GPATCH1: variants seen among roughly 807,000 people sequenced by gnomAD.
The protein encoded by GPATCH1 is G patch domain-containing protein 1.
In GPATCH1, 73 loss-of-function variants were observed where a neutral mutation model predicts 114.9. The observed-to-expected ratio is 0.64, with a 90% CI of 0.53 to 0.77. The LOEUF is 0.77. Ranked by LOEUF, GPATCH1 falls within the 30% of genes least tolerant of loss-of-function variation. The pLI is 0.00. For synonymous variants in GPATCH1, 391 were observed against 428.4 expected (o/e 0.91, Z 1.08); for missense variants, 1,058 against 1,144.3 (o/e 0.92, Z 1.09).
intron 5 of GPATCH1, among the ~76,000 whole-genome samples, chr19:33,095,087 A>C (rs1403727032): frequency 1.1e-4 from 17 of 152,038 alleles, no homozygotes. Context: ...GGATGGCTTT[A>C]GTCCAGAAGG....
Position 33,090,850 on chromosome 19 carries a change from T to G in GPATCH1, c.279T>G (p.Asp93Glu). The change falls in exon 3 of 20, where the codon GAT becomes GAG. Residue 93 changes from aspartate to glutamate, a missense_variant. Physicochemically the swap from Asp to Glu is conservative, Grantham distance 45. Transcript: ENST00000170564. ...RADKSVLGPE[D>E]FMDEEDLSEF... ...ACAAATCTGTTCTTGGTCCTGAAGATTTTATGGATGAAGAGGTGCGTGTGC... is the reference window on the plus strand; with the variant it reads ...ACAAATCTGTTCTTGGTCCTGAAGAGTTTATGGATGAAGAGGTGCGTGTGC... The G allele has an allele frequency of 1.9e-6, 3 of 1,611,394 alleles. No homozygotes were observed. The highest frequency in any genetic ancestry group is 1.1e-5 in the South Asian group (1 of 91,008).
chr19:33,120,042 AT>A (rs1231516683), intron 17 of GPATCH1, among the ~76,000 whole-genome samples: 1 of 137,384 alleles, frequency 7.3e-6, no homozygotes, highest in Non-Finnish European at 1.5e-5. Context: ...ATATATTTAT[AT>A]TTTATATATT....
intron 15 of GPATCH1, among the ~76,000 whole-genome samples, chr19:33,115,689 T>G (rs962242281): frequency 6.6e-6 from 1 of 151,866 alleles, no homozygotes; most frequent in African/African-American, 2.4e-5. Flanking sequence ...AGACGGGGTT[T>G]CTCCATGTTG....
chr19:33,096,817 C>T (rs535380850), intron 7 of GPATCH1, among the ~76,000 whole-genome samples: 13 of 151,992 alleles, frequency 8.6e-5, no homozygotes, highest in Middle Eastern at 3.4e-3. Context: ...TTAGTAGAGA[C>T]GGGGTTTCAC....
In GPATCH1 at chr19:33,088,197, A is replaced by G; in HGVS notation, c.137A>G (p.Tyr46Cys). 4 of 1,603,338 alleles carry G rather than the reference A, an allele frequency of 2.5e-6. No homozygotes were observed. The highest frequency in any genetic ancestry group is 3.4e-6 in the Non-Finnish European group (4 of 1,171,952). ...DQTVRDEKGR[Y>C]KRFHGAFSGG... is the part of the protein sequence containing the mutation. Reference sequence around the variant, plus strand: ...ACTGTCAGAGATGAAAAAGGAAGGTATAAACGATTCCACGGGGCCTTTAGT... The same window carrying G: ...ACTGTCAGAGATGAAAAAGGAAGGTGTAAACGATTCCACGGGGCCTTTAGT... The change falls in exon 2 of 20, where the codon TAT becomes TGT. Residue 46 changes from tyrosine to cysteine, a missense_variant. Tyr to Cys is a radical substitution (Grantham distance 194). Around this residue, in one of 3 missense-constraint regions of GPATCH1, gnomAD observed 131 missense variants for 107.2 expected, o/e 1.22. Transcript: ENST00000170564.
Position 33,113,761 on chromosome 19 carries a change from TCCCA to T in GPATCH1, c.1893-5_1893-2del. On this transcript the variant is annotated splice_acceptor_variant and splice_polypyrimidine_tract_variant and intron_variant, in intron 13 of 19. Transcript: ENST00000170564. LOFTEE classifies it high-confidence loss of function. ...TTACTAAAATGATTCTTTTTTCAAT[TCCCA>T]GTTCAACTTTAGTTGGCTTACCAAG... 6.2e-7 allele frequency: 1 copy of T among 1,612,388 alleles called. No individual in the cohort carries two copies. Among genetic ancestry groups the T allele is most frequent in the South Asian group, 1.1e-5 (1 of 90,884 alleles).
chr19:33,114,365 C>T lies in GPATCH1; in HGVS notation c.2142C>T (p.Ser714=). ...AAGCCGAGCCACCTAAACAACAGTC[C>T]AGCCCCTTAGTAAACAAAGAGGAAG... ...RSKAEPPKQQ[S]SPLVNKEEEH... is the part of the protein sequence containing the mutation. Residue 714 remains serine (S), a synonymous_variant, in exon 15 of 20, where the codon TCC becomes TCT. Transcript: ENST00000170564. The T allele has an allele frequency of 6.2e-7, 1 of 1,611,818 alleles. No homozygotes were observed. Among genetic ancestry groups the T allele is most frequent in the Non-Finnish European group, 8.5e-7 (1 of 1,179,326 alleles).
At position 33,126,683 on chromosome 19, in the gene GPATCH1, C is replaced by T. The variant is rs1479749060; in HGVS notation, c.2715C>T (p.Ser905=). 26 of 1,613,846 alleles carry T rather than the reference C, an allele frequency of 1.6e-5. No homozygotes were observed. Among genetic ancestry groups the T allele is most frequent in the Non-Finnish European group, 2.1e-5 (25 of 1,179,988 alleles). ...SSSESSDSSD[S]QSDEETADVS... ...CCGAGAGTTCCGACAGCAGCGACAGCCAGAGTGACGAGGAAACCGCAGACG... is the reference window on the plus strand; with the variant it reads ...CCGAGAGTTCCGACAGCAGCGACAGTCAGAGTGACGAGGAAACCGCAGACG... The change falls in exon 19 of 20, where the codon AGC becomes AGT. Residue 905 remains serine, a synonymous_variant. Transcript: ENST00000170564.
chr19:33,097,361 G>A (rs1972673455), intron 7 of GPATCH1, among the ~76,000 whole-genome samples: 2 of 152,282 alleles, frequency 1.3e-5, no homozygotes, highest in Admixed American at 6.5e-5. Context: ...GAGTAGCAGC[G>A]GCCCTTAGAC....
rs1324287964 is a variant in GPATCH1 at position 33,100,557 on chromosome 19, T to C, written c.1001-938T>C. Reference sequence around the variant, plus strand: ...GAGCCAAGATTGTGCCACTGTACTCTAGCCTGGTGACAGAGCGAGACTCCA... The same window carrying C: ...GAGCCAAGATTGTGCCACTGTACTCCAGCCTGGTGACAGAGCGAGACTCCA... On this transcript the variant is annotated intron_variant, in intron 8 of 19. Coordinates refer to ENST00000170564, the MANE Select transcript of GPATCH1 (RefSeq NM_018025.3). Among the ~76,000 whole-genome samples, 22 of 133,436 alleles carry C rather than the reference T, an allele frequency of 1.6e-4. No individual in the cohort carries two copies. In the Admixed American group the frequency reaches 2.0e-3, roughly 12 times the overall value. 87.5% of individuals were successfully genotyped at this position (133,436 alleles called of 152,430 possible). A position where few individuals can be genotyped will look rare whatever the true frequency, so the allele number is the denominator to read the frequency against.
chr19:33,088,059 G>A (rs1054084629), intron 1 of GPATCH1, 75 bp from the exon 2 acceptor site: 20 of 790,566 alleles, frequency 2.5e-5, no homozygotes, highest in African/African-American at 7.1e-5. Context: ...TTTAAAAAGT[G>A]ACATTTTCCC....
At chr19:33,118,934 C>T in intron 16 of GPATCH1, 76 bp from the exon 17 acceptor site, 1 of 852,624 alleles carries the variant, frequency 1.2e-6, no homozygotes, top group African/African-American at 1.7e-5. Flanking sequence ...TATCTGGTGG[C>T]AAAAGACATG....
At chr19:33,112,384 T>A (rs1314850800) in intron 12 of GPATCH1, 102 bp from the exon 13 acceptor site, 8 of 1,334,274 alleles carry the variant, frequency 6.0e-6, no homozygotes, top group Non-Finnish European at 8.2e-6. Flanking sequence ...TAGCACAAAC[T>A]TTTTTCACAG....
chr19:33,095,691 C>A, intron 5 of GPATCH1, 71 bp from the exon 6 acceptor site: 1 of 1,030,442 alleles, frequency 9.7e-7, no homozygotes, highest in Non-Finnish European at 1.5e-6. Context: ...TGTGATCCAC[C>A]GCGCCCGGCC....
At chr19:33,127,939 A>C (rs990226283) in intron 19 of GPATCH1, among the ~76,000 whole-genome samples, 10 of 152,016 alleles carry the variant, frequency 6.6e-5, no homozygotes, top group African/African-American at 2.4e-4. Flanking sequence ...GCTGGTCTCA[A>C]ACTCCTGACC....
At chr19:33,113,709 AGGAGGT>A (rs759504262) in intron 13 of GPATCH1, 52 bp from the exon 14 acceptor site, 1 of 1,504,334 alleles carries the variant, frequency 6.6e-7, no homozygotes, top group South Asian at 1.2e-5. Context: ...AAAGCTTTTC[AGGAGGT>A]GGATTTTGTC....
chr19:33,095,526 G>A (rs1161796325), intron 5 of GPATCH1, among the ~76,000 whole-genome samples: 3 of 151,536 alleles, frequency 2.0e-5, no homozygotes, highest in African/African-American at 7.3e-5. Flanking sequence ...GCCTCCCAAA[G>A]TACTGGGATT....
intron 1 of GPATCH1, among the ~76,000 whole-genome samples, chr19:33,087,844 C>T (rs753918562): frequency 3.2e-4 from 48 of 151,722 alleles, no homozygotes; most frequent in Middle Eastern, 3.4e-3. Context: ...CCACCACGCC[C>T]GGTTAATTTT....
At chr19:33,129,258 AAAG>A (rs1369069836) in intron 19 of GPATCH1, among the ~76,000 whole-genome samples, 5 of 151,964 alleles carry the variant, frequency 3.3e-5, no homozygotes, top group Non-Finnish European at 5.9e-5. Context: ...AAAAAAAAGA[AAAG>A]AAATTCAGAT....
Sources: allele counts gnomAD v4.1 joint callset (sites outside exome capture counted in the v4.1 genomes callset), GRCh38; gene constraint gnomAD v4.1.1; regional missense constraint gnomAD v4.1.1; transcripts MANE v1.5; gene names NCBI Gene and HGNC (gene_info 2026-07-23, HGNC 2026-07-21).